The following DNHD1 variants were observed in gnomAD, a reference collection of about 807,000 sequenced individuals.
The protein encoded by DNHD1 is dynein heavy chain domain-containing protein 1.
DNHD1 carries 383 observed loss-of-function variants against 458.1 expected under a neutral mutation model. The observed-to-expected ratio is 0.84, with a 90% CI of 0.77 to 0.91. DNHD1 has a LOEUF of 0.91. DNHD1 is among the 40% of genes least tolerant of loss of function. The pLI is 0.00. For synonymous variants in DNHD1, 2,203 were observed against 2,376.9 expected, an observed-to-expected ratio of 0.93 and a Z score of 2.13; for missense variants, 5,336 against 5,866.1, an observed-to-expected ratio of 0.91 and a Z score of 2.95.
In DNHD1 at chr11:6,565,831, G is replaced by A. The variant is rs760163764; in HGVS notation, c.10893G>A (p.Glu3631=). Reference sequence around the variant, plus strand: ...CAGAGGAAAGAAAAAATGAGCAGGAGAAAGAGCAAGAGGAAAATGAAGAGA... The same window carrying A: ...CAGAGGAAAGAAAAAATGAGCAGGAAAAAGAGCAAGAGGAAAATGAAGAGA... ...QKAEERKNEQ[E]KEQEENEEKE... Residue 3631 remains glutamate, a synonymous_variant, in exon 33 of 43, where the codon GAG becomes GAA. Transcript: ENST00000254579. 1.4e-5 allele frequency: 22 copies of A among 1,551,622 alleles called. No individual in the cohort carries two copies. The South Asian group carries it at 2.1e-4, about 15-fold the overall frequency.
Position 6,563,673 on chromosome 11 carries a change from G to A in DNHD1, c.9853-20G>A, listed in dbSNP as rs373188102. On this transcript the variant is annotated intron_variant, in intron 30 of 42. Coordinates refer to ENST00000254579, the MANE Select transcript of DNHD1 (RefSeq NM_144666.3). ...AGAGCATCCGTGGCTTCCCCATCCCGTTAACATACATCCTTCCAGGAGCTG... is the reference window on the plus strand; with the variant it reads ...AGAGCATCCGTGGCTTCCCCATCCCATTAACATACATCCTTCCAGGAGCTG... 2.2e-5 allele frequency: 34 copies of A among 1,543,556 alleles called. No homozygotes were observed. Among genetic ancestry groups the A allele is most frequent in the South Asian group, 8.3e-5 (7 of 83,898 alleles).
intron 7 of DNHD1, among the ~76,000 whole-genome samples, chr11:6,517,074 G>A (rs1852487622): frequency 6.6e-6 from 1 of 152,168 alleles, no homozygotes. Context: ...TTCAGACTCT[G>A]GCAAGGGCTC....
chr11:6,513,452 A>G (rs1852387532), intron 7 of DNHD1, among the ~76,000 whole-genome samples: 1 of 152,178 alleles, frequency 6.6e-6, no homozygotes, highest in African/African-American at 2.4e-5. Flanking sequence ...TCATGTAACT[A>G]GAATTGGACA....
rs1356343331 is a variant in DNHD1 at position 6,547,129 on chromosome 11, C to G, written c.6190C>G (p.Gln2064Glu). 7 of 1,551,704 alleles carry G rather than the reference C, an allele frequency of 4.5e-6. No homozygotes were observed. The highest frequency in any genetic ancestry group is 5.2e-6 in the Non-Finnish European group (6 of 1,147,002). ...IFPKVLRAAG[Q>E]CNNMGQKRQT... Reference sequence around the variant, plus strand: ...TCCCAAGGTACTTCGTGCAGCCGGTCAGTGTAACAACATGGGCCAAAAGAG... The same window carrying G: ...TCCCAAGGTACTTCGTGCAGCCGGTGAGTGTAACAACATGGGCCAAAAGAG... The change falls in exon 21 of 43, where the codon CAG becomes GAG. Residue 2064 changes from glutamine (Q) to glutamate (E), a missense_variant. Around this residue, in one of 4 missense-constraint regions of DNHD1, gnomAD observed 3,932 missense variants for 4,365.6 expected, o/e 0.90. Transcript: ENST00000254579.
intron 14 of DNHD1, among the ~76,000 whole-genome samples, 165 bp from the exon 15 acceptor site, chr11:6,538,218 C>T (rs1853004537): frequency 1.3e-5 from 2 of 152,188 alleles, no homozygotes; most frequent in Admixed American, 6.5e-5. Flanking sequence ...GGATTAACCC[C>T]ACCTCCATTG....
intron 10 of DNHD1, chr11:6,520,790 G>A (rs973259334): frequency 2.8e-5 from 28 of 991,944 alleles, no homozygotes; most frequent in Admixed American, 5.6e-5. Flanking sequence ...AACCATCAGC[G>A]TGGAAACACA....
rs151142130 is a variant in DNHD1, at chr11:6,549,341, T to C, written c.7387+408T>C. On this transcript the variant is annotated intron_variant, in intron 24 of 42. Transcript: ENST00000254579. The stretch of plus-strand genomic sequence containing the variant: ...AAATCTTGTTGACATCTCATTCTCC[T>C]TCACCAATATCCAGTCACCATGTCT... 1.7e-3 allele frequency among the ~76,000 whole-genome samples: 262 copies of C among 152,354 alleles called. 8 individuals are homozygous for C. The East Asian group carries it at 0.047, about 28-fold the overall frequency.
chr11:6,533,552 C>G, intron 13 of DNHD1, 129 bp from the exon 14 acceptor site: 1 of 1,193,890 alleles, frequency 8.4e-7, no homozygotes, highest in Non-Finnish European at 1.1e-6. Flanking sequence ...GCCCCTGATT[C>G]CAGTTGATTA....
rs1039947782 is a variant in DNHD1, at chr11:6,520,908, T to G, written c.1837+619T>G. On this transcript the variant is annotated intron_variant, in intron 10 of 42. Transcript: ENST00000254579. ...TACTTTTTAATTTCCTCATTCAACT[T>G]CTATCTGTTCATTAAGAAGATTTAA... 12 of 916,514 alleles carry G rather than the reference T, an allele frequency of 1.3e-5. No individual in the cohort carries two copies. In the East Asian group the frequency reaches 3.6e-4, roughly 27 times the overall value. The allele number at this position is 916,514 out of a possible 1,614,324, so 56.8% of individuals were successfully genotyped here.
intron 10 of DNHD1, among the ~76,000 whole-genome samples, chr11:6,525,730 T>G (rs1298079480): frequency 1.3e-5 from 2 of 152,026 alleles, no homozygotes; most frequent in African/African-American, 4.8e-5. Flanking sequence ...AAGTTGTTGG[T>G]TTATACTTTT....
Position 6,559,050 on chromosome 11 carries a change from C to T in DNHD1, c.9360C>T (p.Asp3120=), listed in dbSNP as rs564383650. The T allele has an allele frequency of 1.3e-6, 2 of 1,551,704 alleles. No homozygotes were observed. Among genetic ancestry groups the T allele is most frequent in the East Asian group, 2.4e-5 (1 of 40,922 alleles). ...VTPKTFLDFL[D]TFLMLQQQTI... ...CCAAGACCTTCCTAGACTTCCTGGA[C>T]ACTTTCCTGATGCTGCAGCAACAGA... Residue 3120 remains aspartate, a synonymous_variant, in exon 27 of 43, where the codon GAC becomes GAT. Coordinates refer to ENST00000254579, the MANE Select transcript of DNHD1 (RefSeq NM_144666.3).
rs1299902431 is a variant in DNHD1 at position 6,557,473 on chromosome 11, AAC to A, written c.8180_8181del (p.Thr2727ArgfsTer53). 7 of 1,551,768 alleles carry A rather than the reference AAC, an allele frequency of 4.5e-6. No individual in the cohort carries two copies. The highest frequency in any genetic ancestry group is 6.1e-6 in the Non-Finnish European group (7 of 1,147,024). On this transcript the variant is annotated frameshift_variant, in exon 25 of 43. Transcript: ENST00000254579. LOFTEE classifies it high-confidence loss of function. ...AGGACTTCAGCAACAGCAATAGTGA[AAC>A]AGAGGAGGAAGAGGAACCTTATGGC... ...WEDFSNSNSE[T>X]EEEEEPYGLQ...
intron 12 of DNHD1, among the ~76,000 whole-genome samples, chr11:6,530,412 A>C (rs2134408705): frequency 6.6e-6 from 1 of 152,240 alleles, no homozygotes; most frequent in East Asian, 1.9e-4. Flanking sequence ...CTAGTGCCTC[A>C]GCCTAGGAGT....
chr11:6,506,389 T>C (rs1564994824), intron 4 of DNHD1, among the ~76,000 whole-genome samples: 1 of 152,202 alleles, frequency 6.6e-6, no homozygotes. Context: ...CTCTGATGTG[T>C]TATACAGATA....
At position 6,571,440 on chromosome 11, in the gene DNHD1, C is replaced by G. The variant is rs765095716; in HGVS notation, c.13911+17C>G. 1.1e-5 allele frequency: 17 copies of G among 1,559,902 alleles called. No homozygotes were observed. The highest frequency in any genetic ancestry group is 1.7e-4 in the Middle Eastern group (1 of 5,918). ...CACTTCAGGGTATCTTCGCGCCGCCCCTCGTTCGCGGTTCCAGTCCCCTCG... is the reference window on the plus strand; with the variant it reads ...CACTTCAGGGTATCTTCGCGCCGCCGCTCGTTCGCGGTTCCAGTCCCCTCG... On this transcript the variant is annotated intron_variant, in intron 42 of 42. Coordinates refer to ENST00000254579, the MANE Select transcript of DNHD1 (RefSeq NM_144666.3). The surrounding 1 kb of genome is among the most constrained non-coding windows in gnomAD (Gnocchi z 5.0).
intron 13 of DNHD1, among the ~76,000 whole-genome samples, chr11:6,533,413 C>G (rs1263358170): frequency 6.6e-6 from 1 of 152,172 alleles, no homozygotes; most frequent in East Asian, 1.9e-4. Flanking sequence ...CTCTCTGTGA[C>G]AGTCAGATAG....
Position 6,519,407 on chromosome 11 carries a change from T to A in DNHD1, c.1393-193T>A, listed in dbSNP as rs572835154. The stretch of plus-strand genomic sequence containing the variant: ...CTGTGACCTCTCAATATATGTTCTC[T>A]ATTTCACATCTTCTCTGGTCAAATA... On this transcript the variant is annotated intron_variant, in intron 7 of 42. Transcript: ENST00000254579. Among the ~76,000 whole-genome samples, 11 of 152,314 alleles carry A rather than the reference T, an allele frequency of 7.2e-5. No individual in the cohort carries two copies. In the East Asian group the frequency reaches 1.7e-3, roughly 24 times the overall value.
chr11:6,565,690 C>G lies in DNHD1; in HGVS notation c.10757-5C>G, dbSNP rs1032942056. 6.5e-7 allele frequency: 1 copy of G among 1,540,146 alleles called. No homozygotes were observed. Among genetic ancestry groups the G allele is most frequent in the Non-Finnish European group, 8.8e-7 (1 of 1,142,650 alleles). On this transcript the variant is annotated splice_region_variant and splice_polypyrimidine_tract_variant and intron_variant, in intron 32 of 42. Coordinates refer to ENST00000254579, the MANE Select transcript of DNHD1 (RefSeq NM_144666.3). ...GAAGAGCTCCTCTGAATCTTTCTGC[C>G]CCAGGGAAAGGCCTCATGAGAAATC... is the stretch of plus-strand genomic sequence containing the variant.
Position 6,498,595 on chromosome 11 carries a change from T to C in DNHD1, c.380T>C (p.Leu127Pro), listed in dbSNP as rs1852079478. The C allele has an allele frequency of 3.1e-6, 5 of 1,614,096 alleles. No individual in the cohort carries two copies. In the African/African-American group the frequency reaches 5.3e-5, roughly 17 times the overall value. The change falls in exon 3 of 43, where the codon CTA becomes CCA. Residue 127 changes from leucine (L) to proline (P), a missense_variant. This residue lies in a region of DNHD1 where 3,932 missense variants were observed against 4,365.6 expected (regional missense o/e 0.90). Coordinates refer to ENST00000254579, the MANE Select transcript of DNHD1 (RefSeq NM_144666.3). ...CAAACCCACCTCCATCTGGACCTGCTAGGTGCCATTGTCCAGGCCTTTCCT... is the reference window on the plus strand; with the variant it reads ...CAAACCCACCTCCATCTGGACCTGCCAGGTGCCATTGTCCAGGCCTTTCCT... Reference protein sequence around the residue: ...WVQTHLHLDLLGAIVQAFPPD... With the variant: ...WVQTHLHLDLPGAIVQAFPPD...
Sources: gnomAD v4.1 joint callset for allele counts (sites outside exome capture counted in the v4.1 genomes callset) on GRCh38, gnomAD v4.1.1 for gene constraint, gnomAD v4.1.1 regional missense constraint, Gnocchi (gnomAD v3.1) non-coding constraint, MANE v1.5 for transcripts, NCBI Gene and HGNC (gene_info 2026-07-23, HGNC 2026-07-21) for gene names.